The following HCRTR2 variants were observed in gnomAD, a reference collection of about 807,000 sequenced individuals.
HCRTR2 encodes hypocretin receptor 2.
In HCRTR2, 22 loss-of-function variants were observed where a neutral mutation model predicts 49.0. The ratio of observed to expected loss-of-function variants is 0.45; its 90% CI spans 0.32 to 0.64. The LOEUF is 0.64. HCRTR2 is among the 30% of genes least tolerant of loss of function. The pLI is 0.04. For missense variants in HCRTR2, 491 were observed against 559.4 expected, an observed-to-expected ratio of 0.88 and a Z score of 1.23; for synonymous variants, 236 against 205.3, an observed-to-expected ratio of 1.15 and a Z score of -1.28.
At chr6:55,169,183 TTATC>T (rs1429392461) in intron 1 of HCRTR2, among the ~76,000 whole-genome samples, 1 of 151,838 alleles carries the variant, frequency 6.6e-6, no homozygotes, top group Non-Finnish European at 1.5e-5. Flanking sequence ...GGAAGAGTGT[TTATC>T]TATGCTCAAC....
At chr6:55,184,218 T>A (rs1257567600) in intron 1 of HCRTR2, among the ~76,000 whole-genome samples, 1 of 152,242 alleles carries the variant, frequency 6.6e-6, no homozygotes, top group Admixed American at 6.5e-5. Flanking sequence ...CGAGAGCCAC[T>A]GCACCCAGGC....
At chr6:55,232,485 T>C (rs2127300536) in intron 1 of HCRTR2, among the ~76,000 whole-genome samples, 1 of 152,340 alleles carries the variant, frequency 6.6e-6, no homozygotes, top group African/African-American at 2.4e-5. Context: ...TCTAAAAGGA[T>C]ATCATCTTAC....
At chr6:55,253,300 A>G (rs978399057) in intron 2 of HCRTR2, among the ~76,000 whole-genome samples, 1 of 152,082 alleles carries the variant, frequency 6.6e-6, no homozygotes. Flanking sequence ...CTGATCAGAG[A>G]GAGAGAACAG....
chr6:55,114,779 C>G (rs577977130), intron 1 of HCRTR2, among the ~76,000 whole-genome samples: 4 of 151,844 alleles, frequency 2.6e-5, no homozygotes, highest in African/African-American at 9.6e-5. Flanking sequence ...TTGACCTACA[C>G]AAAAGCATTA....
chr6:55,190,316 G>A (rs1765294680), intron 1 of HCRTR2, among the ~76,000 whole-genome samples: 1 of 152,194 alleles, frequency 6.6e-6, no homozygotes, highest in Admixed American at 6.5e-5. Flanking sequence ...ATTGCCTTAT[G>A]GGTATAAGAG....
chr6:55,223,417 C>T (rs1457005085), intron 1 of HCRTR2, among the ~76,000 whole-genome samples: 1 of 152,156 alleles, frequency 6.6e-6, no homozygotes, highest in Non-Finnish European at 1.5e-5. Context: ...TACAGCATCG[C>T]TTTTAAAACA....
chr6:55,154,246 G>C (rs1312103827), intron 1 of HCRTR2, among the ~76,000 whole-genome samples: 1 of 151,868 alleles, frequency 6.6e-6, no homozygotes, highest in African/African-American at 2.4e-5. Context: ...CAAAAAGAAA[G>C]AGGGAATATT....
In HCRTR2 at chr6:55,174,547, A is replaced by G. The variant is rs200050498; in HGVS notation, c.-41A>G. The G allele has an allele frequency of 2.0e-6, 3 of 1,512,662 alleles. No individual in the cohort carries two copies. The highest frequency in any genetic ancestry group is 2.8e-6 in the Non-Finnish European group (3 of 1,087,806). 93.7% of individuals were successfully genotyped at this position (1,512,662 alleles called of 1,614,324 possible). Reference sequence around the variant, plus strand: ...ACCAGTGCTCATGGGGCAGGCGGAGAGGAGCTTGCAGCATTGAGCGGAACC... The same window carrying G: ...ACCAGTGCTCATGGGGCAGGCGGAGGGGAGCTTGCAGCATTGAGCGGAACC... On this transcript the variant is annotated 5_prime_UTR_variant, in exon 1 of 7. Coordinates refer to ENST00000370862, the MANE Select transcript of HCRTR2 (RefSeq NM_001384272.1).
At chr6:55,184,688 T>C (rs1221799731) in intron 1 of HCRTR2, among the ~76,000 whole-genome samples, 2 of 152,242 alleles carry the variant, frequency 1.3e-5, no homozygotes, top group African/African-American at 2.4e-5. Context: ...AATTTCTAAA[T>C]CTGTGGATAG....
At chr6:55,200,975 C>T (rs1765503078) in intron 1 of HCRTR2, among the ~76,000 whole-genome samples, 1 of 152,010 alleles carries the variant, frequency 6.6e-6, no homozygotes, top group Non-Finnish European at 1.5e-5. Context: ...TCAGAGAATG[C>T]AATTTTTTAC....
At position 55,148,022 on chromosome 6, in the gene HCRTR2, C is replaced by A. The variant is rs576644148; in HGVS notation, c.-377-26189C>A. Among the ~76,000 whole-genome samples the A allele has an allele frequency of 5.4e-4, 77 of 143,182 alleles. 1 individual carries two copies. The highest frequency in any genetic ancestry group is 1.8e-3 in the African/African-American group (75 of 40,732). 93.9% of individuals were successfully genotyped at this position (143,182 alleles called of 152,430 possible). A position where few individuals can be genotyped will look rare whatever the true frequency, so the allele number is the denominator to read the frequency against. On this transcript the variant is annotated intron_variant, in intron 1 of 7. Transcript: ENST00000615358. ...AATTTGTAGAATCTGCCTGAATGGACTTTAGTTAGAGTTTGTTGTTAGAGA... is the reference window on the plus strand; with the variant it reads ...AATTTGTAGAATCTGCCTGAATGGAATTTAGTTAGAGTTTGTTGTTAGAGA...
intron 3 of HCRTR2, among the ~76,000 whole-genome samples, chr6:55,260,953 A>C (rs1370783511): frequency 6.6e-6 from 1 of 152,228 alleles, no homozygotes; most frequent in Admixed American, 6.5e-5. Flanking sequence ...TAAAATACAT[A>C]GAGGTAATAG....
At chr6:55,219,289 T>A (rs1263474363) in intron 1 of HCRTR2, among the ~76,000 whole-genome samples, 2 of 152,242 alleles carry the variant, frequency 1.3e-5, no homozygotes, top group African/African-American at 2.4e-5. Flanking sequence ...ATAGATCATA[T>A]GCTGTGTCAC....
intron 1 of HCRTR2, among the ~76,000 whole-genome samples, chr6:55,153,261 G>GA (rs2127258899): frequency 6.6e-6 from 1 of 152,070 alleles, no homozygotes; most frequent in Admixed American, 6.6e-5. Flanking sequence ...TACATTCTGA[G>GA]AAATGCATTA....
At chr6:55,169,646 CT>C (rs1764921658), upstream of HCRTR2, among the ~76,000 whole-genome samples, 1 of 152,086 alleles carries the variant, frequency 6.6e-6, no homozygotes, top group Admixed American at 6.6e-5. Flanking sequence ...TCCTGCAAAG[CT>C]AATGCATTTA....
intron 1 of HCRTR2, among the ~76,000 whole-genome samples, chr6:55,136,675 T>C (rs1307080134): frequency 6.6e-6 from 1 of 152,196 alleles, no homozygotes. Context: ...CTAAGTTGGA[T>C]ATAATTCAAG....
Position 55,280,362 on chromosome 6 carries a change from T to C in HCRTR2, c.1023T>C (p.Thr341=), listed in dbSNP as rs761029342. The change falls in exon 6 of 7, where the codon ACT becomes ACC. Residue 341 remains threonine, a synonymous_variant. Transcript: ENST00000370862. The part of the protein sequence containing the change: ...GMFAHTEDRE[T]VYAWFTFSHW... ...TTGCCCATACTGAAGACAGAGAGAC[T>C]GTGTATGCCTGGTTTACCTTTTCAC... The C allele has an allele frequency of 1.2e-6, 2 of 1,612,284 alleles. No homozygotes were observed. Among genetic ancestry groups the C allele is most frequent in the Non-Finnish European group, 1.7e-6 (2 of 1,178,372 alleles).
chr6:55,134,470 G>A (rs986020587), intron 1 of HCRTR2, among the ~76,000 whole-genome samples: 1 of 151,782 alleles, frequency 6.6e-6, no homozygotes, highest in African/African-American at 2.4e-5. Flanking sequence ...GTGTGTGTGT[G>A]TATGTATAGT....
intron 1 of HCRTR2, among the ~76,000 whole-genome samples, chr6:55,204,236 G>C (rs781163243): frequency 2.6e-5 from 4 of 152,062 alleles, no homozygotes; most frequent in Admixed American, 2.0e-4. Context: ...GAATACCCCA[G>C]CTCTCATATT....
Sources: allele counts gnomAD v4.1 joint callset (sites outside exome capture counted in the v4.1 genomes callset), GRCh38; gene constraint gnomAD v4.1.1; transcripts MANE v1.5; gene names NCBI Gene and HGNC (gene_info 2026-07-23, HGNC 2026-07-21).